The following SNTB2 variants were observed in gnomAD, a reference collection of about 807,000 sequenced individuals.
SNTB2 encodes syntrophin beta 2, also known as beta-2-syntrophin.
In SNTB2, 34 loss-of-function variants were observed where a neutral mutation model predicts 46.2. The ratio of observed to expected loss-of-function variants is 0.74; its 90% CI spans 0.56 to 0.98. The LOEUF is 0.98. SNTB2 is among the 50% of genes least tolerant of loss of function. The pLI is 0.00. For synonymous variants in SNTB2, 290 were observed against 312.6 expected, an observed-to-expected ratio of 0.93 and a Z score of 0.76; for missense variants, 603 against 731.4, an observed-to-expected ratio of 0.82 and a Z score of 2.02.
chr16:69,202,601 C>T lies in SNTB2; in HGVS notation c.580+14855C>T, dbSNP rs148558885. ...TTTATTTTTTATTTTTTTGAGACGA[C>T]GTCTCGCTCTGTCTCCCAGGCTGGA... On this transcript the variant is annotated intron_variant, in intron 1 of 6. Coordinates refer to ENST00000336278, the MANE Select transcript of SNTB2 (RefSeq NM_006750.4). Among the ~76,000 whole-genome samples the T allele has an allele frequency of 1.1e-3, 161 of 151,684 alleles. 2 individuals carry two copies. Among genetic ancestry groups the T allele is most frequent in the Middle Eastern group, 6.8e-3 (2 of 294 alleles).
chr16:69,264,565 C>A (rs1964867395), intron 3 of SNTB2, among the ~76,000 whole-genome samples: 1 of 152,172 alleles, frequency 6.6e-6, no homozygotes, highest in South Asian at 2.1e-4. Context: ...CTATTGACAA[C>A]AGAAGAGCAG....
intron 2 of SNTB2, among the ~76,000 whole-genome samples, chr16:69,255,927 C>A (rs2079113360): frequency 6.6e-6 from 1 of 151,326 alleles, no homozygotes; most frequent in African/African-American, 2.4e-5. Flanking sequence ...GTGGCTCACG[C>A]CTGTAATCCC....
chr16:69,298,757 A>G (rs1965251009), intron 5 of SNTB2, among the ~76,000 whole-genome samples: 1 of 151,752 alleles, frequency 6.6e-6, no homozygotes, highest in African/African-American at 2.4e-5. Context: ...CCTGACCTCA[A>G]GTGATCCGCC....
At chr16:69,216,857 C>T (rs993413643) in intron 1 of SNTB2, among the ~76,000 whole-genome samples, 10 of 152,164 alleles carry the variant, frequency 6.6e-5, no homozygotes, top group Admixed American at 1.3e-4. Context: ...GCTGGGGTTG[C>T]TGTGCCACTT....
chr16:69,298,568 C>T (rs1391669026), intron 5 of SNTB2, among the ~76,000 whole-genome samples: 1 of 134,772 alleles, frequency 7.4e-6, no homozygotes, highest in African/African-American at 2.9e-5. Flanking sequence ...GTCACCCAGG[C>T]TGGAGTGCAG....
chr16:69,291,668 C>T (rs1310287363), intron 5 of SNTB2, among the ~76,000 whole-genome samples: 2 of 152,050 alleles, frequency 1.3e-5, no homozygotes, highest in African/African-American at 2.4e-5. Flanking sequence ...GTGATCACAC[C>T]ACTGCACTCC....
At chr16:69,215,460 A>C (rs928506404) in intron 1 of SNTB2, among the ~76,000 whole-genome samples, 4 of 152,114 alleles carry the variant, frequency 2.6e-5, no homozygotes, top group African/African-American at 9.7e-5. Flanking sequence ...ATGTTCTCCT[A>C]CTCATTCCAG....
At chr16:69,264,442 C>T (rs1241479505) in intron 3 of SNTB2, among the ~76,000 whole-genome samples, 1 of 152,026 alleles carries the variant, frequency 6.6e-6, no homozygotes, top group Admixed American at 6.6e-5. Context: ...ATAAAGATAC[C>T]AGGAAGAGTA....
chr16:69,221,723 C>T (rs1964407234), intron 1 of SNTB2, among the ~76,000 whole-genome samples: 2 of 152,144 alleles, frequency 1.3e-5, no homozygotes, highest in Non-Finnish European at 2.9e-5. Flanking sequence ...TTGCAGTGAG[C>T]CCAGATAATG....
At chr16:69,260,997 G>A (rs569270867) in intron 3 of SNTB2, among the ~76,000 whole-genome samples, 3 of 151,830 alleles carry the variant, frequency 2.0e-5, no homozygotes, top group South Asian at 2.1e-4. Flanking sequence ...TAAAAGTTCC[G>A]TGTGACATTA....
chr16:69,291,575 G>T (rs1037243657), intron 5 of SNTB2, among the ~76,000 whole-genome samples: 1 of 152,134 alleles, frequency 6.6e-6, no homozygotes, highest in Non-Finnish European at 1.5e-5. Flanking sequence ...TGGGCATGGT[G>T]GCATGCACCT....
intron 1 of SNTB2, among the ~76,000 whole-genome samples, chr16:69,231,301 T>G (rs1367259265): frequency 6.6e-6 from 1 of 152,016 alleles, no homozygotes; most frequent in East Asian, 1.9e-4. Flanking sequence ...TTAAAAAAGA[T>G]GTGGCCCGCG....
At chr16:69,211,533 A>AG (rs1172568492) in intron 1 of SNTB2, among the ~76,000 whole-genome samples, 5 of 142,440 alleles carry the variant, frequency 3.5e-5, no homozygotes, top group Middle Eastern at 3.5e-3. Context: ...CCCCATCTCA[A>AG]GGGAAAAAAA....
In SNTB2 at chr16:69,307,014, G is replaced by A. The variant is rs980210038; in HGVS notation, c.*6090G>A. 6 of 152,118 alleles carry A rather than the reference G, an allele frequency of 3.9e-5. No individual in the cohort carries two copies. The highest frequency in any genetic ancestry group is 1.2e-4 in the African/African-American group (5 of 41,430). The allele number at this position is 152,118 out of a possible 1,614,324, so 9.4% of individuals were successfully genotyped here. ...CTTTCTCAGTTTGCAATAATCTTAC[G>A]TCCATGCTATTGACACTAATTTTGA... is the stretch of plus-strand genomic sequence containing the variant. On this transcript the variant is annotated 3_prime_UTR_variant, in exon 7 of 7. Transcript: ENST00000336278.
chr16:69,291,357 T>C (rs1965157490), intron 5 of SNTB2, among the ~76,000 whole-genome samples: 1 of 152,194 alleles, frequency 6.6e-6, no homozygotes, highest in Non-Finnish European at 1.5e-5. Flanking sequence ...CATAGAACTC[T>C]GCCATTAGGT....
chr16:69,291,858 A>G (rs1965162016), intron 5 of SNTB2, among the ~76,000 whole-genome samples: 1 of 152,002 alleles, frequency 6.6e-6, no homozygotes. Context: ...AGGATTGCTT[A>G]AGGCCTGCAG....
At chr16:69,226,469 C>T (rs1964461599) in intron 1 of SNTB2, among the ~76,000 whole-genome samples, 1 of 151,774 alleles carries the variant, frequency 6.6e-6, no homozygotes, top group African/African-American at 2.4e-5. Flanking sequence ...GAGGCAAGGA[C>T]TGACTTTCTA....
chr16:69,251,426 A>T (rs1304658372), intron 2 of SNTB2, among the ~76,000 whole-genome samples: 4 of 149,434 alleles, frequency 2.7e-5, no homozygotes, highest in African/African-American at 9.9e-5. Context: ...CTGTTGGGTA[A>T]ATTTGTAGGA....
intron 5 of SNTB2, among the ~76,000 whole-genome samples, chr16:69,293,470 T>C (rs1465847952): frequency 6.6e-6 from 1 of 152,172 alleles, no homozygotes; most frequent in Admixed American, 6.6e-5. Context: ...ATGGAGATAA[T>C]TGATGTCCTT....
Sources: allele counts gnomAD v4.1 joint callset (sites outside exome capture counted in the v4.1 genomes callset), GRCh38; gene constraint gnomAD v4.1.1; transcripts MANE v1.5; gene names NCBI Gene and HGNC (gene_info 2026-07-23, HGNC 2026-07-21).